The following ATXN7L1 variants were observed in gnomAD, a reference collection of about 807,000 sequenced individuals.
ATXN7L1 encodes the protein ataxin 7 like 1, also known as ataxin-7-like protein 1.
In ATXN7L1, 15 loss-of-function variants were observed where a neutral mutation model predicts 70.8. That is an observed-to-expected ratio of 0.21 (90% CI 0.14 to 0.33). The LOEUF is 0.33. Ranked by LOEUF, ATXN7L1 falls within the 10% of genes least tolerant of loss-of-function variation. The probability of loss-of-function intolerance (pLI) is 1.00; values close to 1 mark genes in which losing one functional copy is unlikely to be tolerated. For missense variants in ATXN7L1, 975 were observed against 1,097.1 expected, an observed-to-expected ratio of 0.89 and a Z score of 1.57; for synonymous variants, 440 against 445.1, an observed-to-expected ratio of 0.99 and a Z score of 0.14.
chr7:105,619,140 G>GTTTATTTTTTTTTTT (rs1794380215), intron 9 of ATXN7L1, among the ~76,000 whole-genome samples: 1 of 49,846 alleles, frequency 2.0e-5, no homozygotes, highest in Non-Finnish European at 3.3e-5. Flanking sequence ...GAAATCTTTA[G>GTTTATTTTTTTTTTT]TTTTTTTTTT....
intron 2 of ATXN7L1, among the ~76,000 whole-genome samples, chr7:105,832,306 G>A (rs997438): frequency 0.19 from 28,379 of 152,110 alleles, 3,484 homozygotes; most frequent in East Asian, 0.44. Context: ...CTGCAATTCG[G>A]AAACTCAAGA....
intron 10 of ATXN7L1, chr7:105,613,411 C>T: frequency 5.5e-6 from 5 of 910,398 alleles, no homozygotes; most frequent in South Asian, 4.9e-5. Context: ...CCTGGGTCAG[C>T]ATTTAACCTG....
At position 105,619,140 on chromosome 7, in the gene ATXN7L1, G is replaced by GTTTTTTTTTTTTTTTTTT. The variant is rs1191774371; in HGVS notation, c.1517+1042_1517+1059dup. On this transcript the variant is annotated intron_variant, in intron 9 of 11. Coordinates refer to ENST00000419735, the MANE Select transcript of ATXN7L1 (RefSeq NM_020725.2). ...GTCCACAACCATAATGAAATCTTTA[G>GTTTTTTTTTTTTTTTTTT]TTTTTTTTTTTTTTTTTTTTTTTTT... Among the ~76,000 whole-genome samples the GTTTTTTTTTTTTTTTTTT allele has an allele frequency of 1.8e-3, 88 of 49,842 alleles. 34 individuals are homozygous for GTTTTTTTTTTTTTTTTTT. Among genetic ancestry groups the GTTTTTTTTTTTTTTTTTT allele is most frequent in the Non-Finnish European group, 1.9e-3 (56 of 30,154 alleles). The allele number at this position is 49,842 out of a possible 152,430, so 32.7% of individuals were successfully genotyped here. A position where few individuals can be genotyped will look rare whatever the true frequency, so the allele number is the denominator to read the frequency against.
At chr7:105,826,675 G>A (rs919304774) in intron 2 of ATXN7L1, among the ~76,000 whole-genome samples, 1 of 151,844 alleles carries the variant, frequency 6.6e-6, no homozygotes, top group African/African-American at 2.4e-5. Context: ...AAACAACATG[G>A]CCACCAAGAA....
chr7:105,702,984 C>T (rs1709547456), intron 3 of ATXN7L1, among the ~76,000 whole-genome samples: 1 of 152,206 alleles, frequency 6.6e-6, no homozygotes. Context: ...GGCGTGGCGG[C>T]GTGCGCCTGT....
chr7:105,868,345 T>C (rs1446651492), intron 2 of ATXN7L1, among the ~76,000 whole-genome samples: 2 of 152,190 alleles, frequency 1.3e-5, no homozygotes, highest in Non-Finnish European at 2.9e-5. Context: ...TTCACTGCTG[T>C]GTCCCTGGTG....
intron 5 of ATXN7L1, among the ~76,000 whole-genome samples, chr7:105,641,214 C>CTCT (rs1316374331): frequency 4.6e-5 from 1 of 21,784 alleles, no homozygotes; most frequent in Admixed American, 7.4e-4. Flanking sequence ...CTCTCTCTCT[C>CTCT]TTTTTTTTTT....
chr7:105,767,075 T>C (rs1310566376), intron 3 of ATXN7L1, among the ~76,000 whole-genome samples: 1 of 152,184 alleles, frequency 6.6e-6, no homozygotes, highest in Non-Finnish European at 1.5e-5. Flanking sequence ...ATTTTTCCCG[T>C]GTTGAGGCAG....
intron 7 of ATXN7L1, among the ~76,000 whole-genome samples, chr7:105,634,358 T>C (rs1797059648): frequency 6.6e-6 from 1 of 152,182 alleles, no homozygotes; most frequent in African/African-American, 2.4e-5. Flanking sequence ...CATCAGTTTG[T>C]CTGAGCGCAT....
At chr7:105,610,840 ACTGCTCCCTAG>A (rs1395681336) in intron 10 of ATXN7L1, among the ~76,000 whole-genome samples, 1 of 152,126 alleles carries the variant, frequency 6.6e-6, no homozygotes, top group East Asian at 1.9e-4. Flanking sequence ...GACTCCTCAT[ACTGCTCCCTAG>A]CTGGCCGGGA....
At chr7:105,862,301 G>T (rs982994301) in intron 2 of ATXN7L1, among the ~76,000 whole-genome samples, 4 of 152,092 alleles carry the variant, frequency 2.6e-5, no homozygotes, top group Admixed American at 1.3e-4. Flanking sequence ...CCAGGCATGG[G>T]GGCGTGCACC....
At chr7:105,625,801 G>A (rs144178589) in intron 7 of ATXN7L1, among the ~76,000 whole-genome samples, 5 of 152,252 alleles carry the variant, frequency 3.3e-5, no homozygotes, top group East Asian at 3.9e-4. Context: ...AAACACATCC[G>A]CATTAGCAGA....
chr7:105,870,864 G>C (rs1447124156), intron 2 of ATXN7L1, among the ~76,000 whole-genome samples: 1 of 152,040 alleles, frequency 6.6e-6, no homozygotes, highest in Non-Finnish European at 1.5e-5. Context: ...AGCTGACTGG[G>C]GTCAAATCAT....
intron 2 of ATXN7L1, among the ~76,000 whole-genome samples, chr7:105,832,818 C>G (rs1811816937): frequency 6.6e-6 from 1 of 152,226 alleles, no homozygotes. Flanking sequence ...GACAAAGAAT[C>G]TAAGAATCTT....
chr7:105,824,733 A>C (rs1370442067), intron 2 of ATXN7L1, among the ~76,000 whole-genome samples: 1 of 152,022 alleles, frequency 6.6e-6, no homozygotes, highest in Non-Finnish European at 1.5e-5. Context: ...CCACCAGTAA[A>C]AGAACGTTTT....
chr7:105,608,875 TAAC>T (rs1181245191), intron 11 of ATXN7L1, among the ~76,000 whole-genome samples: 3 of 152,134 alleles, frequency 2.0e-5, no homozygotes, highest in African/African-American at 7.2e-5. Context: ...TCAGGCAACA[TAAC>T]AACACGGTTA....
At chr7:105,636,202 T>C (rs184572041) in intron 7 of ATXN7L1, among the ~76,000 whole-genome samples, 2 of 152,166 alleles carry the variant, frequency 1.3e-5, no homozygotes, top group Admixed American at 1.3e-4. Flanking sequence ...TGAGACCAAC[T>C]TGGCCAACAT....
chr7:105,706,023 A>C (rs998341493), intron 3 of ATXN7L1, among the ~76,000 whole-genome samples: 4 of 152,320 alleles, frequency 2.6e-5, no homozygotes, highest in South Asian at 2.1e-4. Flanking sequence ...TAAATGAATA[A>C]ATCAGGAAAT....
chr7:105,856,827 CAG>C (rs113369406), intron 2 of ATXN7L1, among the ~76,000 whole-genome samples: 195 of 147,834 alleles, frequency 1.3e-3, no homozygotes, highest in Non-Finnish European at 1.4e-3. Context: ...GTGTGTGAGA[CAG>C]AGAGAGAGAG....
Sources: gnomAD v4.1 joint callset for allele counts (sites outside exome capture counted in the v4.1 genomes callset) on GRCh38, gnomAD v4.1.1 for gene constraint, MANE v1.5 for transcripts, NCBI Gene and HGNC (gene_info 2026-07-23, HGNC 2026-07-21) for gene names.